The following ATRNL1 variants were observed in gnomAD, a reference collection of about 807,000 sequenced individuals.
The protein encoded by ATRNL1 is attractin like 1.
A neutral mutation model predicts 182.7 loss-of-function variants in ATRNL1; 95 were observed. That is an observed-to-expected ratio of 0.52 (90% CI 0.44 to 0.62). ATRNL1 has a LOEUF of 0.62. ATRNL1 is among the 20% of genes least tolerant of loss of function. ATRNL1 has a pLI of 0.00. For synonymous variants in ATRNL1, 576 were observed against 568.3 expected (o/e 1.01, Z -0.19); for missense variants, 1,471 against 1,679.5 (o/e 0.88, Z 2.17).
chr10:115,419,382 G>A (rs2220821), intron 20 of ATRNL1, among the ~76,000 whole-genome samples: 35,698 of 151,968 alleles, frequency 0.23, 5,244 homozygotes, highest in Non-Finnish European at 0.34. Context: ...AAAATATCTA[G>A]ACAACTAAAA....
intron 9 of ATRNL1, among the ~76,000 whole-genome samples, chr10:115,233,158 C>A (rs992141354): frequency 2.0e-5 from 3 of 151,920 alleles, no homozygotes; most frequent in Non-Finnish European, 4.4e-5. Flanking sequence ...TGTAAGGACA[C>A]CAGTCACTGG....
intron 26 of ATRNL1, among the ~76,000 whole-genome samples, chr10:115,702,904 G>A (rs1215371507): frequency 6.6e-6 from 1 of 151,648 alleles, no homozygotes; most frequent in East Asian, 1.9e-4. Flanking sequence ...ATTTTTCACA[G>A]AATTAGAAAA....
At chr10:115,879,577 G>A (rs2134436813) in intron 28 of ATRNL1, among the ~76,000 whole-genome samples, 1 of 152,322 alleles carries the variant, frequency 6.6e-6, no homozygotes, top group Middle Eastern at 3.4e-3. Context: ...AGGGAACCGA[G>A]AATTTTGAAA....
At chr10:115,110,027 C>G (rs1787156352) in intron 1 of ATRNL1, among the ~76,000 whole-genome samples, 1 of 152,026 alleles carries the variant, frequency 6.6e-6, no homozygotes, top group African/African-American at 2.4e-5. Context: ...TCAAACTAAT[C>G]TGTACTTTAG....
chr10:115,501,343 A>G (rs192700892), intron 24 of ATRNL1, among the ~76,000 whole-genome samples: 14 of 152,244 alleles, frequency 9.2e-5, no homozygotes, highest in East Asian at 1.9e-4. Context: ...CTTGGGGCTC[A>G]TGGGCCTATT....
chr10:115,839,220 A>C (rs758568948), intron 27 of ATRNL1, among the ~76,000 whole-genome samples: 11 of 152,272 alleles, frequency 7.2e-5, no homozygotes, highest in Non-Finnish European at 1.5e-4. Context: ...ATAAAGGGAC[A>C]CCGCAAGTTT....
intron 19 of ATRNL1, among the ~76,000 whole-genome samples, chr10:115,371,919 G>A (rs1352226657): frequency 1.3e-5 from 2 of 152,104 alleles, no homozygotes; most frequent in Non-Finnish European, 2.9e-5. Context: ...GGAGATAGTG[G>A]AATCATGGGG....
chr10:115,480,751 C>T (rs1245841696), intron 24 of ATRNL1, among the ~76,000 whole-genome samples: 3 of 151,064 alleles, frequency 2.0e-5, no homozygotes, highest in South Asian at 2.1e-4. Flanking sequence ...AGTAGTGAAA[C>T]CAGAGACCAT....
chr10:115,463,031 ATAT>A (rs1554970084), intron 22 of ATRNL1, among the ~76,000 whole-genome samples: 1 of 151,680 alleles, frequency 6.6e-6, no homozygotes. Flanking sequence ...TTAAATATAT[ATAT>A]TATTATTATG....
chr10:115,257,382 T>G (rs948701870), intron 10 of ATRNL1, among the ~76,000 whole-genome samples: 1 of 152,142 alleles, frequency 6.6e-6, no homozygotes, highest in Admixed American at 6.5e-5. Flanking sequence ...CCATTATGTA[T>G]TGGCCTTCTT....
chr10:115,145,323 T>C (rs1845925740), intron 5 of ATRNL1, among the ~76,000 whole-genome samples: 1 of 152,176 alleles, frequency 6.6e-6, no homozygotes, highest in Admixed American at 6.5e-5. Context: ...TTGTAAAACT[T>C]TGTTTTAAGC....
intron 1 of ATRNL1, among the ~76,000 whole-genome samples, chr10:115,106,912 T>C (rs1022292003): frequency 6.6e-6 from 1 of 152,122 alleles, no homozygotes; most frequent in African/African-American, 2.4e-5. Context: ...GGCTGGGAAG[T>C]CTAAGATCAA....
intron 19 of ATRNL1, among the ~76,000 whole-genome samples, chr10:115,373,420 C>T (rs1383595815): frequency 7.9e-5 from 12 of 151,970 alleles, no homozygotes; most frequent in East Asian, 3.9e-4. Context: ...TGGTGAGTGT[C>T]GGAAACCTTG....
At chr10:115,786,718 T>TTCTTACA (rs1450101417) in intron 27 of ATRNL1, among the ~76,000 whole-genome samples, 2 of 152,220 alleles carry the variant, frequency 1.3e-5, no homozygotes, top group African/African-American at 2.4e-5. Context: ...CAACCCAGTA[T>TTCTTACA]GTGTTCTTAC....
At chr10:115,189,581 A>T (rs1306029277) in intron 8 of ATRNL1, among the ~76,000 whole-genome samples, 1 of 152,128 alleles carries the variant, frequency 6.6e-6, no homozygotes, top group Non-Finnish European at 1.5e-5. Context: ...GTGAAAAAAT[A>T]GGAAAAAGCT....
intron 21 of ATRNL1, among the ~76,000 whole-genome samples, chr10:115,434,458 G>A (rs1230318737): frequency 6.6e-6 from 1 of 151,996 alleles, no homozygotes; most frequent in East Asian, 1.9e-4. Flanking sequence ...AGATCACACA[G>A]GAAATAGTAA....
At chr10:115,495,023 TTGTC>T (rs1403816950) in intron 24 of ATRNL1, among the ~76,000 whole-genome samples, 2 of 152,142 alleles carry the variant, frequency 1.3e-5, no homozygotes, top group African/African-American at 4.8e-5. Flanking sequence ...AACTCATTAT[TTGTC>T]TGTTCAGCAA....
At chr10:115,286,938 A>G (rs1592382666) in intron 15 of ATRNL1, among the ~76,000 whole-genome samples, 1 of 152,110 alleles carries the variant, frequency 6.6e-6, no homozygotes, top group African/African-American at 2.4e-5. Context: ...GATGATTTTA[A>G]GTATATGGGA....
Position 115,605,945 on chromosome 10 carries a change from G to A in ATRNL1, c.3795+56409G>A, listed in dbSNP as rs141452132. ...CTTTTGGAAATAAAAATGTGAATGA[G>A]ATGATCTTTACTATATCAGTAAGAA... On this transcript the variant is annotated intron_variant, in intron 26 of 28. Transcript: ENST00000355044. Among the ~76,000 whole-genome samples the A allele has an allele frequency of 2.0e-3, 298 of 152,076 alleles. 5 individuals carry two copies. Among genetic ancestry groups the A allele is most frequent in the Non-Finnish European group, 1.0e-3 (68 of 67,880 alleles).
Sources: gnomAD v4.1 joint callset for allele counts (sites outside exome capture counted in the v4.1 genomes callset) on GRCh38, gnomAD v4.1.1 for gene constraint, MANE v1.5 for transcripts, NCBI Gene and HGNC (gene_info 2026-07-23, HGNC 2026-07-21) for gene names.